FAM120AOS: variants seen among roughly 807,000 people sequenced by gnomAD.
FAM120AOS encodes uncharacterized protein FAM120AOS.
Under a neutral mutation model 20.2 loss-of-function variants are expected in FAM120AOS, and 15 were observed. That is an observed-to-expected ratio of 0.74 (90% CI 0.50 to 1.15). The LOEUF (loss-of-function observed/expected upper bound fraction) is 1.15, where lower values mean the gene tolerates loss of function less well. Ranked by LOEUF, FAM120AOS falls within the 50% of genes most tolerant of loss-of-function variation. The pLI is 0.00. For synonymous variants in FAM120AOS, 154 were observed against 154.0 expected, an observed-to-expected ratio of 1.00 and a Z score of 0.00; for missense variants, 327 against 351.9, an observed-to-expected ratio of 0.93 and a Z score of 0.57.
Position 93,445,863 on chromosome 9 carries a change from T to C in FAM120AOS, c.*1748A>G, listed in dbSNP as rs142331484. Reference sequence around the variant, plus strand: ...TGACATGTAACTGATTTTAAAATATTATATAGTGCTTCCTAGTTTAACCAA... The same window carrying C: ...TGACATGTAACTGATTTTAAAATATCATATAGTGCTTCCTAGTTTAACCAA... On this transcript the variant is annotated 3_prime_UTR_variant, in exon 3 of 3. Transcript: ENST00000375412. Among the ~76,000 whole-genome samples, 44 of 152,264 alleles carry C rather than the reference T, an allele frequency of 2.9e-4. No individual in the cohort carries two copies. The highest frequency in any genetic ancestry group is 1.0e-3 in the African/African-American group (43 of 41,556).
Position 93,444,608 on chromosome 9 carries a change from G to C in FAM120AOS, c.*3003C>G, listed in dbSNP as rs1165914436. ...CAGTATGTTTTGAGGCCAGTAAGGA[G>C]TTCTGCTTTTTTTTTTTTTTCCTGA... On this transcript the variant is annotated 3_prime_UTR_variant, in exon 3 of 3. Transcript: ENST00000375412. Among the ~76,000 whole-genome samples the C allele has an allele frequency of 6.7e-6, 1 of 150,108 alleles. No homozygotes were observed. Among genetic ancestry groups the C allele is most frequent in the Non-Finnish European group, 1.5e-5 (1 of 67,538 alleles).
At chr9:93,451,903 C>G in intron 1 of FAM120AOS, 1 of 1,272,852 alleles carries the variant, frequency 7.9e-7, no homozygotes, top group Non-Finnish European at 9.9e-7. Flanking sequence ...GCGCCCGCGC[C>G]CCCGCCGCCG....
rs1387929797 is a variant in FAM120AOS at position 93,452,034 on chromosome 9, C to A, written c.563+113G>T. 1 of 1,567,468 alleles carries A rather than the reference C, an allele frequency of 6.4e-7. No homozygotes were observed. Among genetic ancestry groups the A allele is most frequent in the Non-Finnish European group, 8.6e-7 (1 of 1,157,002 alleles). ...GTGGGCGGCGGGCGGCAGCGGCCCCCGCAGACCCCGCTGCGCCTGCTGGTG... is the reference window on the plus strand; with the variant it reads ...GTGGGCGGCGGGCGGCAGCGGCCCCAGCAGACCCCGCTGCGCCTGCTGGTG... On this transcript the variant is annotated intron_variant, in intron 1 of 2. Transcript: ENST00000375412. This position sits in a 1 kb window ranked among gnomAD's most constrained non-coding sequence, Gnocchi z 7.0.
Position 93,446,759 on chromosome 9 carries a change from C to T in FAM120AOS, c.*852G>A, listed in dbSNP as rs1007676696. The T allele has an allele frequency of 2.0e-5, 3 of 152,150 alleles. No individual in the cohort carries two copies. The highest frequency in any genetic ancestry group is 7.2e-5 in the African/African-American group (3 of 41,436). 9.4% of individuals were successfully genotyped at this position (152,150 alleles called of 1,614,324 possible). On this transcript the variant is annotated 3_prime_UTR_variant, in exon 3 of 3. Transcript: ENST00000375412. ...AAGGCCCTCCATGAGAACAACTCTT[C>T]TCTTCCACATAGATATTTTTGCATC...
At position 93,452,757 on chromosome 9, in the gene FAM120AOS, T is replaced by G; in HGVS notation, c.-48A>C. The G allele has an allele frequency of 6.3e-7, 1 of 1,596,878 alleles. No individual in the cohort carries two copies. The highest frequency in any genetic ancestry group is 8.5e-7 in the Non-Finnish European group (1 of 1,179,474). The stretch of plus-strand genomic sequence containing the variant: ...TCACTCACCTTCAACTTTGACAAAA[T>G]ACTCCCTTTTCTAATTTAGCCTGTT... On this transcript the variant is annotated 5_prime_UTR_variant, in exon 1 of 3. Transcript: ENST00000375412. This position sits in a 1 kb window ranked among gnomAD's most constrained non-coding sequence, Gnocchi z 7.0.
chr9:93,453,404 T>G lies in FAM120AOS; in HGVS notation c.-695A>C, dbSNP rs1857381216. On this transcript the variant is annotated 5_prime_UTR_variant, in exon 1 of 3. Transcript: ENST00000375412. ...ACTTCACGTTCTGATTGCTTGCTTT[T>G]TTCATTGGTTTTCTTGAAAACAAAT... is the stretch of plus-strand genomic sequence containing the variant. 1.0e-6 allele frequency: 1 copy of G among 985,360 alleles called. No individual in the cohort carries two copies. 61.0% of individuals were successfully genotyped at this position (985,360 alleles called of 1,614,324 possible).
rs1174562947 is a variant in FAM120AOS at position 93,451,566 on chromosome 9, C to T, written c.563+581G>A. 6.3e-5 allele frequency: 62 copies of T among 985,058 alleles called. 1 individual carries two copies. The highest frequency in any genetic ancestry group is 6.0e-5 in the Non-Finnish European group (50 of 830,250). The allele number at this position is 985,058 out of a possible 1,614,324, so 61.0% of individuals were successfully genotyped here. The stretch of plus-strand genomic sequence containing the variant: ...CCTCCGGGAGCCCCGAGCCGCGTCC[C>T]GCCGGCGCCGCCTCTTCCGCCTGCT... On this transcript the variant is annotated intron_variant, in intron 1 of 2. Coordinates refer to ENST00000375412, the MANE Select transcript of FAM120AOS (RefSeq NM_198841.4).
intron 1 of FAM120AOS, chr9:93,450,882 G>C (rs1857125064): frequency 1.0e-6 from 1 of 956,596 alleles, no homozygotes; most frequent in Non-Finnish European, 1.6e-6. Flanking sequence ...CCACTGCAAA[G>C]GCGCACGTTT....
Position 93,453,119 on chromosome 9 carries a change from G to T in FAM120AOS, c.-410C>A. On this transcript the variant is annotated 5_prime_UTR_variant, in exon 1 of 3. Coordinates refer to ENST00000375412, the MANE Select transcript of FAM120AOS (RefSeq NM_198841.4). ...GTGAAAGAGGTCTTTAAGGCAGTTC[G>T]GTTTTGTAGATCCCATGCGAAAGGA... 9.9e-7 allele frequency: 1 copy of T among 1,012,978 alleles called. No homozygotes were observed. Among genetic ancestry groups the T allele is most frequent in the Non-Finnish European group, 1.2e-6 (1 of 848,398 alleles). The allele number at this position is 1,012,978 out of a possible 1,614,324, so 62.7% of individuals were successfully genotyped here. A position where few individuals can be genotyped will look rare whatever the true frequency, so the allele number is the denominator to read the frequency against.
Position 93,444,648 on chromosome 9 carries a change from C to T in FAM120AOS, c.*2963G>A, listed in dbSNP as rs1178211297. Among the ~76,000 whole-genome samples the T allele has an allele frequency of 2.0e-5, 3 of 149,984 alleles. No individual in the cohort carries two copies. Among genetic ancestry groups the T allele is most frequent in the African/African-American group, 4.9e-5 (2 of 40,738 alleles). On this transcript the variant is annotated 3_prime_UTR_variant, in exon 3 of 3. Transcript: ENST00000375412. ...TTTTTTCCTGAGACGGAGTTTCGCTCTTGTTGCCCAGGCTGGAGTGCAATG... is the reference window on the plus strand; with the variant it reads ...TTTTTTCCTGAGACGGAGTTTCGCTTTTGTTGCCCAGGCTGGAGTGCAATG...
At chr9:93,451,500 T>G in intron 1 of FAM120AOS, 1 of 1,020,532 alleles carries the variant, frequency 9.8e-7, no homozygotes, top group Non-Finnish European at 1.2e-6. Flanking sequence ...GCCTCCCGGA[T>G]CCCGTCCCGG....
intron 1 of FAM120AOS, chr9:93,451,511 CCCAACTCCGGGCCT>C: frequency 9.9e-7 from 1 of 1,007,968 alleles, no homozygotes; most frequent in Non-Finnish European, 1.2e-6. Context: ...CCCGTCCCGG[CCCAACTCCGGGCCT>C]CCGCCTCCGC....
chr9:93,446,288 G>C lies in FAM120AOS; in HGVS notation c.*1323C>G, dbSNP rs1856843484. Among the ~76,000 whole-genome samples the C allele has an allele frequency of 6.6e-6, 1 of 152,138 alleles. No homozygotes were observed. The highest frequency in any genetic ancestry group is 1.5e-5 in the Non-Finnish European group (1 of 68,020). ...TATCTGAGGTCCTAGACTCCTCAGA[G>C]GAAGTCAGCTTCATGTGATCTAGGT... On this transcript the variant is annotated 3_prime_UTR_variant, in exon 3 of 3. Transcript: ENST00000375412.
At chr9:93,451,260 G>A in intron 1 of FAM120AOS, 2 of 1,495,622 alleles carry the variant, frequency 1.3e-6, no homozygotes, top group Non-Finnish European at 1.8e-6. Context: ...GAGTGACTCG[G>A]CCTCGGCTCC....
At position 93,444,427 on chromosome 9, in the gene FAM120AOS, T is replaced by C. The variant is rs1250136814; in HGVS notation, c.*3184A>G. On this transcript the variant is annotated 3_prime_UTR_variant, in exon 3 of 3. Coordinates refer to ENST00000375412, the MANE Select transcript of FAM120AOS (RefSeq NM_198841.4). ...GGGATTATAGCCACACTTTCTAGCT[T>C]GCCGGGCCCCCATTTACCAGAATGT... 6.6e-6 allele frequency among the ~76,000 whole-genome samples: 1 copy of C among 152,182 alleles called. No homozygotes were observed. The highest frequency in any genetic ancestry group is 1.9e-4 in the East Asian group (1 of 5,192).
In FAM120AOS at chr9:93,452,072, TG is replaced by T. The variant is rs1207417481; in HGVS notation, c.563+74del. On this transcript the variant is annotated intron_variant, in intron 1 of 2. Transcript: ENST00000375412. The surrounding 1 kb of genome is among the most constrained non-coding windows in gnomAD (Gnocchi z 7.0). The stretch of plus-strand genomic sequence containing the variant: ...GCGCCTGCTGGTGGACGCCGACAAC[TG>T]CCTGCACCGCCTCTACGGCGGCTTC... The T allele has an allele frequency of 6.2e-7, 1 of 1,601,870 alleles. No individual in the cohort carries two copies. The highest frequency in any genetic ancestry group is 8.5e-7 in the Non-Finnish European group (1 of 1,175,308).
Position 93,446,088 on chromosome 9 carries a change from T to G in FAM120AOS, c.*1523A>C, listed in dbSNP as rs1856838318. ...TTTATAGGGCAGAGCTTTCCCAGAC[T>G]CTTGTTCCACCCTAAGGATAAAGTA... On this transcript the variant is annotated 3_prime_UTR_variant, in exon 3 of 3. Coordinates refer to ENST00000375412, the MANE Select transcript of FAM120AOS (RefSeq NM_198841.4). 6.6e-6 allele frequency among the ~76,000 whole-genome samples: 1 copy of G among 152,176 alleles called. No individual in the cohort carries two copies. Among genetic ancestry groups the G allele is most frequent in the Admixed American group, 6.5e-5 (1 of 15,286 alleles).
At chr9:93,447,749 GTA>G in intron 2 of FAM120AOS, 52 bp from the exon 3 acceptor site, 8 of 1,502,078 alleles carry the variant, frequency 5.3e-6, no homozygotes, top group Non-Finnish European at 7.4e-6. Context: ...AATATGAAAT[GTA>G]TTTTGTCATG....
At chr9:93,448,493 G>T in intron 2 of FAM120AOS, 1 of 207,146 alleles carries the variant, frequency 4.8e-6, no homozygotes, top group Non-Finnish European at 1.0e-5. Context: ...ACTCCATCTT[G>T]GGGGAGAAAA....
Sources: allele counts gnomAD v4.1 joint callset (sites outside exome capture counted in the v4.1 genomes callset), GRCh38; gene constraint gnomAD v4.1.1; non-coding constraint Gnocchi (gnomAD v3.1); transcripts MANE v1.5; gene names NCBI Gene and HGNC (gene_info 2026-07-23, HGNC 2026-07-21).